The following LIMCH1 variants were observed in gnomAD, a reference collection of about 807,000 sequenced individuals.
LIMCH1 encodes the protein LIM and calponin homology domains-containing protein 1.
Under a neutral mutation model 176.5 loss-of-function variants are expected in LIMCH1, and 113 were observed. That is an observed-to-expected ratio of 0.64 (90% confidence interval 0.55 to 0.75). The LOEUF (loss-of-function observed/expected upper bound fraction) is 0.75. Among genes scored for constraint, LIMCH1 ranks in the 30% least tolerant of loss-of-function variants. The probability of loss-of-function intolerance (pLI) is 0.00; values close to 1 mark genes in which losing one functional copy is unlikely to be tolerated. For missense variants in LIMCH1, 1,674 were observed against 1,814.9 expected, an observed-to-expected ratio of 0.92 and a Z score of 1.41; for synonymous variants, 619 against 645.9, an observed-to-expected ratio of 0.96 and a Z score of 0.63.
At chr4:41,663,747 G>A (rs960923367) in intron 20 of LIMCH1, among the ~76,000 whole-genome samples, 1 of 149,866 alleles carries the variant, frequency 6.7e-6, no homozygotes, top group Non-Finnish European at 1.5e-5. Context: ...GCTGGGTGTG[G>A]TGGCTCACAA....
chr4:41,434,074 G>A (rs542266968), intron 1 of LIMCH1, among the ~76,000 whole-genome samples: 2 of 152,228 alleles, frequency 1.3e-5, no homozygotes, highest in South Asian at 4.2e-4. Context: ...AAAATGGTGA[G>A]GTCAGGTGGA....
intron 28 of LIMCH1, 148 bp downstream of exon 28, chr4:41,685,978 A>C: frequency 1.2e-6 from 1 of 825,032 alleles, no homozygotes; most frequent in Non-Finnish European, 1.9e-6. Flanking sequence ...AAGGTAGTCA[A>C]TATAAATGGA....
intron 1 of LIMCH1, among the ~76,000 whole-genome samples, chr4:41,586,530 A>T (rs1223466690): frequency 6.6e-6 from 1 of 152,202 alleles, no homozygotes; most frequent in Non-Finnish European, 1.5e-5. Context: ...ATATATGGAA[A>T]CTGTTTAATG....
chr4:41,606,458 C>T lies in LIMCH1; in HGVS notation c.9+454C>T, dbSNP rs936726623. ...TGAACCAAGCTCTTACCTTGGCATA[C>T]GCTCTGGACAAGGCGGGATACATTA... On this transcript the variant is annotated intron_variant, in intron 4 of 31. Transcript: ENST00000503057. 5.9e-5 allele frequency among the ~76,000 whole-genome samples: 9 copies of T among 152,176 alleles called. No homozygotes were observed. In the South Asian group the frequency reaches 6.2e-4, roughly 10 times the overall value.
At position 41,602,843 on chromosome 4, in the gene LIMCH1, C is replaced by T. The variant is rs183750364; in HGVS notation, c.-133-1032C>T. On this transcript the variant is annotated intron_variant, in intron 2 of 31. Coordinates refer to ENST00000503057, the MANE Select transcript of LIMCH1 (RefSeq NM_001330672.2). ...AACAACAACAAACCCTAGCAGATAT[C>T]CAAGCAGATAAGGACATCCCATTTT... Among the ~76,000 whole-genome samples the T allele has an allele frequency of 6.9e-3, 1,049 of 152,048 alleles. 18 individuals are homozygous for T. Among genetic ancestry groups the T allele is most frequent in the African/African-American group, 0.024 (989 of 41,492 alleles).
chr4:41,419,139 T>C (rs898581240), intron 1 of LIMCH1, among the ~76,000 whole-genome samples: 2 of 127,734 alleles, frequency 1.6e-5, no homozygotes, highest in African/African-American at 6.9e-5. Context: ...TTTTATTTTA[T>C]TTTATTTTAT....
intron 1 of LIMCH1, among the ~76,000 whole-genome samples, chr4:41,462,685 A>G (rs1359739130): frequency 6.6e-6 from 1 of 152,208 alleles, no homozygotes; most frequent in East Asian, 1.9e-4. Context: ...TTTTATACCA[A>G]TGACCCAAAA....
At chr4:41,399,022 A>G (rs2058092421) in intron 1 of LIMCH1, among the ~76,000 whole-genome samples, 1 of 152,168 alleles carries the variant, frequency 6.6e-6, no homozygotes, top group South Asian at 2.1e-4. Flanking sequence ...GCTAATTAAC[A>G]TTTACAGGGT....
intron 1 of LIMCH1, among the ~76,000 whole-genome samples, chr4:41,596,529 A>G: frequency 6.6e-6 from 1 of 152,248 alleles, no homozygotes; most frequent in East Asian, 1.9e-4. Flanking sequence ...TGTTTTGGAA[A>G]GAAAGATGTT....
At chr4:41,541,083 A>C (rs573301839) in intron 1 of LIMCH1, among the ~76,000 whole-genome samples, 1 of 152,358 alleles carries the variant, frequency 6.6e-6, no homozygotes, top group East Asian at 1.9e-4. Flanking sequence ...AGCAGTATAA[A>C]GGCAGTGAAA....
At chr4:41,365,770 G>A (rs2154093037) in intron 1 of LIMCH1, among the ~76,000 whole-genome samples, 1 of 152,358 alleles carries the variant, frequency 6.6e-6, no homozygotes, top group Middle Eastern at 3.4e-3. Flanking sequence ...ATGACACAAT[G>A]CTGTCACATG....
rs140479981 is a variant in LIMCH1, at chr4:41,616,079, C to G, written c.205+2418C>G. The stretch of plus-strand genomic sequence containing the variant: ...TTCATTGAAGAGGAAATAACAAAAC[C>G]CTCTACCCAGATGTTTTCAAAATTA... On this transcript the variant is annotated intron_variant, in intron 5 of 31. Transcript: ENST00000503057. Among the ~76,000 whole-genome samples, 35 of 152,166 alleles carry G rather than the reference C, an allele frequency of 2.3e-4. No individual in the cohort carries two copies. In the East Asian group the frequency reaches 5.6e-3, roughly 24 times the overall value.
intron 1 of LIMCH1, among the ~76,000 whole-genome samples, chr4:41,410,280 C>T (rs1225048939): frequency 6.6e-6 from 1 of 152,130 alleles, no homozygotes; most frequent in Non-Finnish European, 1.5e-5. Context: ...GTTTATGATT[C>T]CTAGGGCCTG....
At chr4:41,629,281 A>T (rs2093171808) in intron 8 of LIMCH1, among the ~76,000 whole-genome samples, 1 of 152,174 alleles carries the variant, frequency 6.6e-6, no homozygotes, top group African/African-American at 2.4e-5. Context: ...GGGGAAAAAA[A>T]CCTCTGTCTC....
chr4:41,581,805 C>CAAAAAAAAA (rs56150312), intron 1 of LIMCH1, among the ~76,000 whole-genome samples: 4 of 76,194 alleles, frequency 5.2e-5, no homozygotes, highest in African/African-American at 9.0e-5. Context: ...GACTCTGTCT[C>CAAAAAAAAA]AAAAAAAAAA....
rs1468578767 is a variant in LIMCH1 at position 41,627,092 on chromosome 4, G to C, written c.1028+82G>C. ...ACAGGGAGAGAGGACATAATTAAGT[G>C]AAGTCAGTTTGTATTGTACCCCCTC... On this transcript the variant is annotated intron_variant, in intron 8 of 31. Coordinates refer to ENST00000503057, the MANE Select transcript of LIMCH1 (RefSeq NM_001330672.2). 3 of 1,460,790 alleles carry C rather than the reference G, an allele frequency of 2.1e-6. No individual in the cohort carries two copies. The African/African-American group carries it at 4.2e-5, about 21-fold the overall frequency. The allele number at this position is 1,460,790 out of a possible 1,614,324, so 90.5% of individuals were successfully genotyped here.
intron 1 of LIMCH1, among the ~76,000 whole-genome samples, chr4:41,364,447 G>T (rs1454549673): frequency 6.6e-6 from 1 of 151,818 alleles, no homozygotes; most frequent in Non-Finnish European, 1.5e-5. Flanking sequence ...AGATTTCCCG[G>T]GTAGAAAATA....
intron 1 of LIMCH1, among the ~76,000 whole-genome samples, chr4:41,575,503 ATCT>A (rs1288408073): frequency 2.0e-5 from 3 of 152,136 alleles, no homozygotes; most frequent in African/African-American, 4.8e-5. Flanking sequence ...GCTCATAGAA[ATCT>A]TCTGTCATGT....
At chr4:41,639,556 T>A (rs1041334311) in intron 14 of LIMCH1, among the ~76,000 whole-genome samples, 2 of 152,102 alleles carry the variant, frequency 1.3e-5, no homozygotes, top group Non-Finnish European at 2.9e-5. Context: ...CCCTGCTGCT[T>A]GGTTTTCACT....
Sources: gnomAD v4.1 joint callset for allele counts (sites outside exome capture counted in the v4.1 genomes callset) on GRCh38, gnomAD v4.1.1 for gene constraint, MANE v1.5 for transcripts, NCBI Gene and HGNC (gene_info 2026-07-23, HGNC 2026-07-21) for gene names.